The following ARNT2 variants were observed in gnomAD, a reference collection of about 807,000 sequenced individuals.
ARNT2 encodes the protein ARNT protein 2.
ARNT2 carries 36 observed loss-of-function variants against 91.7 expected under a neutral mutation model. The ratio of observed to expected loss-of-function variants is 0.39; its 90% CI spans 0.30 to 0.52. The LOEUF (loss-of-function observed/expected upper bound fraction) is 0.52. Ranked by LOEUF, ARNT2 falls within the 20% of genes least tolerant of loss-of-function variation. The pLI, the probability that ARNT2 is intolerant of heterozygous loss-of-function variation, is 0.72. For missense variants in ARNT2, 775 were observed against 939.3 expected (o/e 0.83, Z 2.29); for synonymous variants, 365 against 347.1 (o/e 1.05, Z -0.57).
chr15:80,561,938 T>C (rs1898364471), intron 11 of ARNT2, among the ~76,000 whole-genome samples: 2 of 152,186 alleles, frequency 1.3e-5, no homozygotes, highest in African/African-American at 4.8e-5. Flanking sequence ...AACTTTATCA[T>C]AGGTGTGTAT....
At chr15:80,580,073 C>A in intron 15 of ARNT2, 1 of 212,256 alleles carries the variant, frequency 4.7e-6, no homozygotes, top group Admixed American at 5.1e-5. Context: ...AAGCTTCTCT[C>A]TTTCTGGGAA....
At chr15:80,433,688 C>G (rs1311168158) in intron 1 of ARNT2, 1 of 152,150 alleles carries the variant, frequency 6.6e-6, no homozygotes, top group East Asian at 1.9e-4. Context: ...TCTTCATTTT[C>G]TGAAGGTTTG....
In ARNT2 at chr15:80,530,327, T is replaced by C. The variant is rs150179111; in HGVS notation, c.877+15922T>C. On this transcript the variant is annotated intron_variant, in intron 8 of 18. Coordinates refer to ENST00000303329, the MANE Select transcript of ARNT2 (RefSeq NM_014862.4). ...GATAACTAAAGTCACAAACACCCCC[T>C]GTAGTGAGCGCAGACATTCTGCCAC... is the stretch of plus-strand genomic sequence containing the variant. Among the ~76,000 whole-genome samples, 749 of 152,206 alleles carry C rather than the reference T, an allele frequency of 4.9e-3. 3 individuals carry two copies. Among genetic ancestry groups the C allele is most frequent in the African/African-American group, 0.017 (708 of 41,532 alleles).
At chr15:80,487,849 C>T (rs1297168017) in intron 5 of ARNT2, 1 of 152,194 alleles carries the variant, frequency 6.6e-6, no homozygotes, top group East Asian at 1.9e-4. Flanking sequence ...AGTAATGTCA[C>T]TGAATGACTG....
Position 80,591,805 on chromosome 15 carries a change from C to A in ARNT2, c.2055+101C>A. 6.5e-7 allele frequency: 1 copy of A among 1,548,856 alleles called. No homozygotes were observed. Among genetic ancestry groups the A allele is most frequent in the Non-Finnish European group, 8.7e-7 (1 of 1,143,828 alleles). On this transcript the variant is annotated intron_variant, in intron 18 of 18. Coordinates refer to ENST00000303329, the MANE Select transcript of ARNT2 (RefSeq NM_014862.4). The surrounding 1 kb of genome is among the most constrained non-coding windows in gnomAD (Gnocchi z 5.1). ...GCACCACCGCCTGCCCGATAGCCGTCGTGAGTTCTGGCCCAGCCTGGGCTC... is the reference window on the plus strand; with the variant it reads ...GCACCACCGCCTGCCCGATAGCCGTAGTGAGTTCTGGCCCAGCCTGGGCTC...
At chr15:80,456,822 C>T (rs1896488124) in intron 2 of ARNT2, among the ~76,000 whole-genome samples, 1 of 152,204 alleles carries the variant, frequency 6.6e-6, no homozygotes, top group African/African-American at 2.4e-5. Flanking sequence ...TCATTTAATA[C>T]ACACTCCATT....
chr15:80,507,719 G>A (rs1399113782), intron 5 of ARNT2, among the ~76,000 whole-genome samples: 2 of 152,210 alleles, frequency 1.3e-5, no homozygotes, highest in Non-Finnish European at 2.9e-5. Context: ...CGCTCTGTCC[G>A]AAGCCAGGGG....
intron 2 of ARNT2, 97 bp downstream of exon 2, chr15:80,451,091 T>C: frequency 1.7e-6 from 2 of 1,182,412 alleles, no homozygotes; most frequent in Non-Finnish European, 2.4e-6. Context: ...TCCTGTAGAA[T>C]AAAAGCTCAG....
chr15:80,505,930 T>TTTTTG, intron 5 of ARNT2, among the ~76,000 whole-genome samples: 1 of 121,570 alleles, frequency 8.2e-6, no homozygotes, highest in African/African-American at 4.0e-5. Flanking sequence ...ATTTGTTGTT[T>TTTTTG]TTTTTTTTTT....
Position 80,567,811 on chromosome 15 carries a change from A to G in ARNT2, c.1316+4572A>G, listed in dbSNP as rs1214107730. ...GTGTCTCTGAACTGAAAGGTCCTAC[A>G]CTGGTGAAGTTGGTTGGAAAAGTCT... On this transcript the variant is annotated intron_variant, in intron 12 of 18. Coordinates refer to ENST00000303329, the MANE Select transcript of ARNT2 (RefSeq NM_014862.4). 3.3e-5 allele frequency among the ~76,000 whole-genome samples: 5 copies of G among 152,294 alleles called. No homozygotes were observed. The East Asian group carries it at 9.7e-4, about 29-fold the overall frequency.
At chr15:80,563,030 C>T (rs1462341938) in intron 11 of ARNT2, 58 bp from the exon 12 acceptor site, 2 of 1,599,190 alleles carry the variant, frequency 1.3e-6, no homozygotes, top group Admixed American at 1.7e-5. Flanking sequence ...GCTTCTCCCT[C>T]CTCCCGTTTG....
chr15:80,558,353 T>G (rs1163461537), intron 11 of ARNT2, among the ~76,000 whole-genome samples: 2 of 148,488 alleles, frequency 1.3e-5, no homozygotes, highest in Non-Finnish European at 3.0e-5. Context: ...TTTTTTTTTT[T>G]TGAGACGGGG....
intron 1 of ARNT2, among the ~76,000 whole-genome samples, chr15:80,414,892 G>A (rs896230020): frequency 6.6e-6 from 1 of 152,006 alleles, no homozygotes; most frequent in Non-Finnish European, 1.5e-5. Flanking sequence ...GTGGTGTGGT[G>A]GGGGTGGGTT....
intron 1 of ARNT2, among the ~76,000 whole-genome samples, chr15:80,416,381 A>G (rs1895786322): frequency 6.6e-6 from 1 of 152,008 alleles, no homozygotes; most frequent in Non-Finnish European, 1.5e-5. Context: ...TAAATGCTTC[A>G]AGGTATATTA....
intron 8 of ARNT2, among the ~76,000 whole-genome samples, chr15:80,524,672 C>T (rs1023449319): frequency 1.3e-5 from 2 of 152,002 alleles, no homozygotes; most frequent in Non-Finnish European, 2.9e-5. Context: ...GTCAGCAGAT[C>T]GAGACCATCC....
intron 2 of ARNT2, among the ~76,000 whole-genome samples, chr15:80,456,442 G>C (rs1303694290): frequency 1.3e-5 from 2 of 152,214 alleles, no homozygotes; most frequent in East Asian, 3.9e-4. Flanking sequence ...ATTAGCAGGG[G>C]ATCCCGTCAG....
At chr15:80,559,540 T>C (rs1278508597) in intron 11 of ARNT2, among the ~76,000 whole-genome samples, 3 of 152,226 alleles carry the variant, frequency 2.0e-5, no homozygotes, top group African/African-American at 7.2e-5. Context: ...GAGCCAGCTC[T>C]TGAACTCTGG....
At position 80,554,064 on chromosome 15, in the gene ARNT2, T is replaced by C. The variant is rs1265604374; in HGVS notation, c.1090-1001T>C. On this transcript the variant is annotated intron_variant, in intron 10 of 18. Coordinates refer to ENST00000303329, the MANE Select transcript of ARNT2 (RefSeq NM_014862.4). ...CCAGTGTCAGCATTCACTTAGACCA[T>C]TTGCTGATTTGGATTGCGATCTATG... Among the ~76,000 whole-genome samples, 3 of 152,222 alleles carry C rather than the reference T, an allele frequency of 2.0e-5. No individual in the cohort carries two copies. In the East Asian group the frequency reaches 5.8e-4, roughly 29 times the overall value.
intron 1 of ARNT2, among the ~76,000 whole-genome samples, chr15:80,412,715 C>T (rs1895702579): frequency 6.6e-6 from 1 of 152,222 alleles, no homozygotes; most frequent in Non-Finnish European, 1.5e-5. Context: ...CAGAATTGTA[C>T]ACACCATTGT....
Sources: allele counts gnomAD v4.1 joint callset (sites outside exome capture counted in the v4.1 genomes callset), GRCh38; gene constraint gnomAD v4.1.1; non-coding constraint Gnocchi (gnomAD v3.1); transcripts MANE v1.5; gene names NCBI Gene and HGNC (gene_info 2026-07-23, HGNC 2026-07-21).